BBX: variants seen among roughly 807,000 people sequenced by gnomAD.
BBX encodes HMG box transcription factor BBX.
In BBX, 30 loss-of-function variants were observed where a neutral mutation model predicts 100.2. That is an observed-to-expected ratio of 0.30 (90% CI 0.22 to 0.41). The LOEUF is 0.41. Among genes scored for constraint, BBX ranks in the 10% least tolerant of loss-of-function variants. The pLI is 1.00. For synonymous variants in BBX, 376 were observed against 388.1 expected, an observed-to-expected ratio of 0.97 and a Z score of 0.37; for missense variants, 1,023 against 1,129.8, an observed-to-expected ratio of 0.91 and a Z score of 1.35.
chr3:107,528,684 C>T (rs192967619), intron 2 of BBX, among the ~76,000 whole-genome samples: 20 of 152,222 alleles, frequency 1.3e-4, no homozygotes, highest in African/African-American at 4.3e-4. Flanking sequence ...AATGAGGTTG[C>T]ACATATGATT....
chr3:107,639,571 A>G (rs2057066557), intron 2 of BBX, among the ~76,000 whole-genome samples: 1 of 152,112 alleles, frequency 6.6e-6, no homozygotes. Flanking sequence ...TTTGCCTTAA[A>G]TGTGCGATAT....
At chr3:107,800,932 TGAG>T (rs759252952) in intron 16 of BBX, among the ~76,000 whole-genome samples, 160 bp from the exon 17 acceptor site, 4 of 152,230 alleles carry the variant, frequency 2.6e-5, no homozygotes, top group Non-Finnish European at 5.9e-5. Context: ...GCTTTGTTAC[TGAG>T]GAGAAGAGAT....
chr3:107,529,964 A>G (rs1576181443), intron 2 of BBX, among the ~76,000 whole-genome samples: 1 of 152,228 alleles, frequency 6.6e-6, no homozygotes, highest in East Asian at 1.9e-4. Flanking sequence ...TGAAAGACTT[A>G]AAAGATTAAA....
At position 107,810,415 on chromosome 3, in the gene BBX, C is replaced by T. The variant is rs1346046631; in HGVS notation, c.*4958C>T. 1 of 152,160 alleles carries T rather than the reference C, an allele frequency of 6.6e-6. No homozygotes were observed. Among genetic ancestry groups the T allele is most frequent in the African/African-American group, 2.4e-5 (1 of 41,422 alleles). 9.4% of individuals were successfully genotyped at this position (152,160 alleles called of 1,614,324 possible). On this transcript the variant is annotated 3_prime_UTR_variant, in exon 18 of 18. Transcript: ENST00000325805. Reference sequence around the variant, plus strand: ...GTTATTGTGAACATTACTGCTCCCTCCAAAGATTTCCTGATAACTTGGGCC... The same window carrying T: ...GTTATTGTGAACATTACTGCTCCCTTCAAAGATTTCCTGATAACTTGGGCC...
intron 2 of BBX, among the ~76,000 whole-genome samples, chr3:107,540,239 G>T (rs1443345763): frequency 6.6e-6 from 1 of 152,166 alleles, no homozygotes; most frequent in East Asian, 1.9e-4. Context: ...CCAACTATGG[G>T]TAGGCAGAAA....
At chr3:107,671,893 T>C (rs1293029343) in intron 3 of BBX, among the ~76,000 whole-genome samples, 1 of 152,092 alleles carries the variant, frequency 6.6e-6, no homozygotes, top group African/African-American at 2.4e-5. Flanking sequence ...CAGATCCTTT[T>C]TGAAAAATCT....
intron 16 of BBX, among the ~76,000 whole-genome samples, chr3:107,800,066 A>G (rs917699008): frequency 6.6e-6 from 1 of 152,192 alleles, no homozygotes; most frequent in Non-Finnish European, 1.5e-5. Flanking sequence ...TGTGTTTTGA[A>G]TATTTAGATT....
chr3:107,697,671 A>G (rs4855761), intron 3 of BBX, among the ~76,000 whole-genome samples: 2,480 of 151,986 alleles, frequency 0.016, 130 homozygotes, highest in African/African-American at 0.055. Flanking sequence ...CCCTGCCCCC[A>G]GAGGTGGAGC....
chr3:107,685,559 TGA>T (rs2059799292), intron 3 of BBX, among the ~76,000 whole-genome samples: 1 of 152,232 alleles, frequency 6.6e-6, no homozygotes, highest in Non-Finnish European at 1.5e-5. Context: ...GATGCATCTG[TGA>T]GAGGATAATG....
intron 2 of BBX, among the ~76,000 whole-genome samples, chr3:107,543,969 C>T (rs1050260837): frequency 6.6e-6 from 1 of 152,172 alleles, no homozygotes; most frequent in African/African-American, 2.4e-5. Flanking sequence ...CCTTGTCACT[C>T]GGACTGAATC....
chr3:107,800,937 A>G (rs940305844), intron 16 of BBX, among the ~76,000 whole-genome samples, 158 bp from the exon 17 acceptor site: 3 of 152,224 alleles, frequency 2.0e-5, no homozygotes, highest in African/African-American at 7.2e-5. Flanking sequence ...GTTACTGAGG[A>G]GAAGAGATTC....
chr3:107,760,112 G>C (rs1255418887), intron 10 of BBX, among the ~76,000 whole-genome samples: 1 of 152,196 alleles, frequency 6.6e-6, no homozygotes, highest in African/African-American at 2.4e-5. Context: ...TATATAACTT[G>C]TTTAAGGTCA....
chr3:107,797,640 A>T (rs1413504259), intron 15 of BBX, among the ~76,000 whole-genome samples: 1 of 152,022 alleles, frequency 6.6e-6, no homozygotes, highest in Non-Finnish European at 1.5e-5. Context: ...ATATCTACAC[A>T]TCTTGTCTTA....
chr3:107,779,361 T>C (rs2067637945), intron 13 of BBX, among the ~76,000 whole-genome samples: 1 of 151,994 alleles, frequency 6.6e-6, no homozygotes, highest in Admixed American at 6.6e-5. Flanking sequence ...GAAACTTACC[T>C]TCTGATTTTT....
At chr3:107,639,073 A>G (rs1007395976) in intron 2 of BBX, among the ~76,000 whole-genome samples, 1 of 152,180 alleles carries the variant, frequency 6.6e-6, no homozygotes, top group Admixed American at 6.5e-5. Flanking sequence ...AAAATAAGAG[A>G]TCACTGTCCT....
At chr3:107,688,350 A>G (rs1225711967) in intron 3 of BBX, among the ~76,000 whole-genome samples, 12 of 152,198 alleles carry the variant, frequency 7.9e-5, no homozygotes, top group Non-Finnish European at 8.8e-5. Flanking sequence ...GACTCTTTTC[A>G]ATGTGTTGTT....
intron 2 of BBX, among the ~76,000 whole-genome samples, chr3:107,559,514 A>C (rs1472887271): frequency 1.3e-5 from 2 of 152,088 alleles, no homozygotes; most frequent in Non-Finnish European, 2.9e-5. Flanking sequence ...GGGTGATAGG[A>C]GTGTGTAGAG....
chr3:107,628,424 T>C (rs1449334670), intron 2 of BBX, among the ~76,000 whole-genome samples: 1 of 151,998 alleles, frequency 6.6e-6, no homozygotes, highest in East Asian at 1.9e-4. Flanking sequence ...AAATAAAATA[T>C]CTCTCAACTC....
At chr3:107,695,705 A>G (rs1162416252) in intron 3 of BBX, among the ~76,000 whole-genome samples, 7 of 151,650 alleles carry the variant, frequency 4.6e-5, no homozygotes, top group East Asian at 1.9e-4. Context: ...GTAGATGTCT[A>G]TTAGGTCCGC....
Sources: gnomAD v4.1 joint callset for allele counts (sites outside exome capture counted in the v4.1 genomes callset) on GRCh38, gnomAD v4.1.1 for gene constraint, MANE v1.5 for transcripts, NCBI Gene and HGNC (gene_info 2026-07-23, HGNC 2026-07-21) for gene names.